The following FGF13 variants were observed in gnomAD, a reference collection of about 807,000 sequenced individuals.
FGF13 encodes fibroblast growth factor 13.
Under a neutral mutation model 19.5 loss-of-function variants are expected in FGF13, and 2 were observed. The ratio of observed to expected loss-of-function variants is 0.10; its 90% CI spans 0.04 to 0.32. FGF13 has a LOEUF of 0.32. FGF13 is among the 10% of genes least tolerant of loss of function. The pLI is 1.00. For missense variants in FGF13, 113 were observed against 192.7 expected, an observed-to-expected ratio of 0.59 and a Z score of 2.45; for synonymous variants, 72 against 76.9, an observed-to-expected ratio of 0.94 and a Z score of 0.33.
intron 3 of FGF13, among the ~76,000 whole-genome samples, chrX:138,836,178 G>A (rs749241691): frequency 2.1e-4 from 23 of 111,022 alleles, no homozygotes; most frequent in South Asian, 3.9e-4. Flanking sequence ...TGATCTTATC[G>A]TAGAGTATCT....
At chrX:138,878,274 T>C (rs1403448247) in intron 1 of FGF13, among the ~76,000 whole-genome samples, 1 of 104,130 alleles carries the variant, frequency 9.6e-6, no homozygotes, top group Non-Finnish European at 2.0e-5. Context: ...TAACATTAGG[T>C]ATATCTCCTA....
chrX:139,202,372 T>C (rs2084421801), intron 1 of FGF13, among the ~76,000 whole-genome samples: 1 of 111,963 alleles, frequency 8.9e-6, no homozygotes, highest in Admixed American at 9.4e-5. Context: ...CAAAACGATT[T>C]AATGACCCTG....
At chrX:138,997,931 G>A (rs2092051107) in intron 1 of FGF13, among the ~76,000 whole-genome samples, 1 of 111,635 alleles carries the variant, frequency 9.0e-6, no homozygotes, top group African/African-American at 3.3e-5. Context: ...AGGGCAGCCA[G>A]AGAGAAAGGT....
chrX:138,716,384 T>C (rs963582935), upstream of FGF13: 18 of 111,180 alleles, frequency 1.6e-4, no homozygotes, highest in African/African-American at 5.9e-4. Context: ...TGGATAGAAA[T>C]ACAAATGAGG....
At chrX:138,635,706 C>T (rs1383051776) in intron 3 of FGF13, 51 bp from the exon 4 acceptor site, 1 of 1,002,511 alleles carries the variant, frequency 1.0e-6, no homozygotes, top group African/African-American at 1.9e-5. Context: ...CTATGAATTT[C>T]CTGTAGAATC....
upstream of FGF13, among the ~76,000 whole-genome samples, chrX:138,742,791 A>C (rs768434683): frequency 3.6e-5 from 4 of 112,002 alleles, no homozygotes; most frequent in Non-Finnish European, 5.6e-5. Flanking sequence ...ATCATTTCCT[A>C]TTAAAATGCA....
intron 3 of FGF13, among the ~76,000 whole-genome samples, chrX:138,837,470 A>G (rs949440992): frequency 9.0e-6 from 1 of 110,619 alleles, no homozygotes; most frequent in Admixed American, 9.5e-5. Context: ...TCGTGGGTCT[A>G]CTCTGCTGTG....
At chrX:138,981,327 AC>A (rs1487694700) in intron 1 of FGF13, among the ~76,000 whole-genome samples, 1 of 11,102 alleles carries the variant, frequency 9.0e-5, no homozygotes, top group Non-Finnish European at 4.2e-4. Flanking sequence ...TTACACACAC[AC>A]ACACACACAC....
At chrX:138,725,623 T>G (rs2090180210) in intron 1 of FGF13, among the ~76,000 whole-genome samples, 1 of 111,846 alleles carries the variant, frequency 8.9e-6, no homozygotes, top group Non-Finnish European at 1.9e-5. Flanking sequence ...TCTGTACTTC[T>G]TCAGGGAAGC....
intron 1 of FGF13, among the ~76,000 whole-genome samples, chrX:139,202,810 G>A (rs2084425914): frequency 9.0e-6 from 1 of 111,023 alleles, no homozygotes; most frequent in Admixed American, 9.5e-5. Flanking sequence ...AGGAACTGGG[G>A]CCCCCATGAA....
At chrX:139,182,111 A>G (rs2084244303) in intron 1 of FGF13, among the ~76,000 whole-genome samples, 1 of 111,847 alleles carries the variant, frequency 8.9e-6, no homozygotes. Context: ...TCACTATTAT[A>G]TGTGTTGTAT....
chrX:139,004,385 C>T (rs1375562433), intron 1 of FGF13, among the ~76,000 whole-genome samples: 1 of 112,741 alleles, frequency 8.9e-6, no homozygotes, highest in African/African-American at 3.2e-5. Context: ...CGCACGCAGC[C>T]CTGGTTCCTG....
intron 1 of FGF13, among the ~76,000 whole-genome samples, chrX:139,122,406 C>A (rs1005602269): frequency 9.0e-6 from 1 of 111,297 alleles, no homozygotes; most frequent in Non-Finnish European, 1.9e-5. Flanking sequence ...CATTCAAGAA[C>A]CTGCTCCAAG....
chrX:138,664,300 A>C (rs2124157133), intron 3 of FGF13, among the ~76,000 whole-genome samples: 1 of 111,965 alleles, frequency 8.9e-6, no homozygotes, highest in African/African-American at 3.2e-5. Context: ...TGAAGACATA[A>C]ATGTTAAAGG....
At chrX:138,866,882 C>G (rs751976141) in intron 1 of FGF13, among the ~76,000 whole-genome samples, 1 of 111,832 alleles carries the variant, frequency 8.9e-6, no homozygotes, top group Non-Finnish European at 1.9e-5. Context: ...TGGGTCAATT[C>G]TCTTCTCTTC....
intron 3 of FGF13, among the ~76,000 whole-genome samples, chrX:138,809,764 A>T (rs1207302723): frequency 8.9e-6 from 1 of 111,886 alleles, no homozygotes; most frequent in Non-Finnish European, 1.9e-5. Flanking sequence ...ACAAAATCAA[A>T]GTGCAAAAAT....
At chrX:138,922,321 T>A (rs1409210080) in intron 1 of FGF13, among the ~76,000 whole-genome samples, 10 of 111,944 alleles carry the variant, frequency 8.9e-5, no homozygotes, top group Non-Finnish European at 1.9e-4. Context: ...ACAAGGCTTA[T>A]ATCCGAAATC....
At chrX:138,772,537 T>C (rs1221735524) in intron 3 of FGF13, among the ~76,000 whole-genome samples, 1 of 111,628 alleles carries the variant, frequency 9.0e-6, no homozygotes, top group Non-Finnish European at 1.9e-5. Flanking sequence ...GTATGTGAGT[T>C]CTTCAATCCA....
intron 3 of FGF13, among the ~76,000 whole-genome samples, chrX:138,652,366 T>C (rs1212946399): frequency 9.0e-6 from 1 of 111,688 alleles, no homozygotes; most frequent in Non-Finnish European, 1.9e-5. Flanking sequence ...GAAAACTATA[T>C]CTTTATTTGT....
Sources: allele counts gnomAD v4.1 joint callset (sites outside exome capture counted in the v4.1 genomes callset), GRCh38; gene constraint gnomAD v4.1.1; transcripts MANE v1.5; gene names NCBI Gene and HGNC (gene_info 2026-07-23, HGNC 2026-07-21).